The following DNAH14 variants were observed in gnomAD, a reference collection of about 807,000 sequenced individuals.
The protein encoded by DNAH14 is axonemal beta dynein heavy chain 14.
DNAH14 carries 478 observed loss-of-function variants against 520.9 expected under a neutral mutation model. The observed-to-expected ratio is 0.92, with a 90% confidence interval of 0.85 to 0.99. DNAH14 has a LOEUF of 0.99. DNAH14 is among the 50% of genes least tolerant of loss of function. The probability of loss-of-function intolerance (pLI) is 0.00; values close to 1 mark genes in which losing one functional copy is unlikely to be tolerated. For synonymous variants in DNAH14, 1,581 were observed against 1,757.2 expected, an observed-to-expected ratio of 0.90 and a Z score of 2.51; for missense variants, 4,831 against 5,234.5, an observed-to-expected ratio of 0.92 and a Z score of 2.38.
intron 1 of DNAH14, among the ~76,000 whole-genome samples, chr1:224,934,628 G>C (rs756927354): frequency 6.6e-6 from 1 of 151,688 alleles, no homozygotes; most frequent in Non-Finnish European, 1.5e-5. Context: ...CAAAATACTA[G>C]ATAAAAACTT....
intron 30 of DNAH14, among the ~76,000 whole-genome samples, chr1:225,146,768 G>T (rs1303487073): frequency 6.6e-6 from 1 of 152,246 alleles, no homozygotes. Flanking sequence ...CTCTGCCCCA[G>T]GGTGCAGCTG....
chr1:225,086,990 CCA>C (rs57900981), intron 21 of DNAH14, among the ~76,000 whole-genome samples: 7,753 of 146,716 alleles, frequency 0.053, 491 homozygotes, highest in African/African-American at 0.17. Context: ...GAAAAGAACA[CCA>C]CACACACACA....
At chr1:225,012,048 A>G (rs1487397127) in intron 10 of DNAH14, among the ~76,000 whole-genome samples, 1 of 152,026 alleles carries the variant, frequency 6.6e-6, no homozygotes, top group Non-Finnish European at 1.5e-5. Flanking sequence ...CATAGTATCA[A>G]TGGTCTTTAC....
At chr1:225,082,426 G>T (rs2073246132) in intron 19 of DNAH14, 123 bp from the exon 20 acceptor site, 1 of 709,472 alleles carries the variant, frequency 1.4e-6, no homozygotes, top group Non-Finnish European at 2.2e-6. Context: ...TTTTAATGTA[G>T]TTTAATAATT....
intron 17 of DNAH14, among the ~76,000 whole-genome samples, chr1:225,067,610 A>G (rs1302197235): frequency 6.6e-6 from 1 of 152,076 alleles, no homozygotes; most frequent in Non-Finnish European, 1.5e-5. Flanking sequence ...CTTTTTCTCC[A>G]CAACCTCACC....
intron 21 of DNAH14, among the ~76,000 whole-genome samples, chr1:225,094,830 AAAAAAC>A (rs2074795468): frequency 6.6e-6 from 1 of 151,234 alleles, no homozygotes; most frequent in Non-Finnish European, 1.5e-5. Flanking sequence ...AAAAAAAAAA[AAAAAAC>A]AACCCCATTA....
chr1:225,277,087 CA>C (rs1558242852), intron 53 of DNAH14, among the ~76,000 whole-genome samples: 1 of 52,186 alleles, frequency 1.9e-5, no homozygotes, highest in Non-Finnish European at 3.5e-5. Context: ...GGGGAAATGG[CA>C]AGGGGGGAGG....
At chr1:225,073,601 G>A (rs765256950) in intron 17 of DNAH14, among the ~76,000 whole-genome samples, 16 of 152,336 alleles carry the variant, frequency 1.1e-4, no homozygotes, top group Non-Finnish European at 2.1e-4. Context: ...ATGGCGGCCC[G>A]CTCCTCCCTC....
At chr1:225,048,725 A>C (rs2068198977) in intron 15 of DNAH14, among the ~76,000 whole-genome samples, 1 of 152,076 alleles carries the variant, frequency 6.6e-6, no homozygotes, top group Non-Finnish European at 1.5e-5. Context: ...ACAAATATCT[A>C]GGGGTAGGAT....
chr1:225,142,354 T>C (rs967674488), intron 28 of DNAH14, among the ~76,000 whole-genome samples: 5 of 152,158 alleles, frequency 3.3e-5, no homozygotes, highest in African/African-American at 1.2e-4. Context: ...CTGCAAGATA[T>C]TTTAACCTTT....
chr1:224,955,978 G>A (rs778045556), intron 3 of DNAH14, among the ~76,000 whole-genome samples: 1 of 151,818 alleles, frequency 6.6e-6, no homozygotes, highest in Non-Finnish European at 1.5e-5. Flanking sequence ...CTCTTTCAAG[G>A]TCACCAGATA....
intron 55 of DNAH14, among the ~76,000 whole-genome samples, chr1:225,296,488 C>T (rs1447159186): frequency 2.7e-5 from 4 of 146,396 alleles, no homozygotes; most frequent in African/African-American, 1.0e-4. Flanking sequence ...CCTCTCTTAT[C>T]GTTTATGTTT....
chr1:225,398,109 A>T (rs6426073), intron 84 of DNAH14: 76,500 of 150,984 alleles, frequency 0.51, 21,870 homozygotes, highest in East Asian at 0.74. Flanking sequence ...AGCCTAAAAC[A>T]GTAGTTATGG....
At chr1:225,127,323 T>C (rs1256608065) in intron 27 of DNAH14, among the ~76,000 whole-genome samples, 28 of 151,714 alleles carry the variant, frequency 1.8e-4, no homozygotes, top group Non-Finnish European at 3.1e-4. Flanking sequence ...AAGTCTCCCA[T>C]TATTATTGTG....
At chr1:225,330,787 TTAAAA>T (rs1019808004) in intron 64 of DNAH14, among the ~76,000 whole-genome samples, 13 of 152,276 alleles carry the variant, frequency 8.5e-5, no homozygotes, top group South Asian at 2.1e-4. Flanking sequence ...AACTGTACAC[TTAAAA>T]TAAAGAGTAT....
intron 8 of DNAH14, among the ~76,000 whole-genome samples, chr1:224,985,989 A>G (rs182808454): frequency 6.6e-6 from 1 of 152,268 alleles, no homozygotes; most frequent in African/African-American, 2.4e-5. Flanking sequence ...AAGTTTATTC[A>G]AAGGAATAAT....
rs1001131908 is a variant in DNAH14, at chr1:225,060,582, A to G, written c.2424+8787A>G. 1.1e-4 allele frequency among the ~76,000 whole-genome samples: 16 copies of G among 152,112 alleles called. No homozygotes were observed. In the East Asian group the frequency reaches 3.1e-3, roughly 29 times the overall value. ...GGAGCTGTGTTCCTTTGGAGGAGGC[A>G]AGGCACTCTGATTTTTAGAGTTTCC... On this transcript the variant is annotated intron_variant, in intron 17 of 85. Coordinates refer to ENST00000682510, the MANE Select transcript of DNAH14 (RefSeq NM_001367479.1).
intron 34 of DNAH14, among the ~76,000 whole-genome samples, chr1:225,155,164 T>C (rs769266534): frequency 1.3e-5 from 2 of 152,166 alleles, no homozygotes; most frequent in African/African-American, 2.4e-5. Flanking sequence ...AGACATGCTT[T>C]TTCCTTTCTG....
chr1:225,086,076 T>C (rs2073746312), intron 21 of DNAH14, among the ~76,000 whole-genome samples: 1 of 151,670 alleles, frequency 6.6e-6, no homozygotes, highest in East Asian at 1.9e-4. Context: ...CAGTGTTCCC[T>C]GATAGTCCCT....
Sources: gnomAD v4.1 joint callset for allele counts (sites outside exome capture counted in the v4.1 genomes callset) on GRCh38, gnomAD v4.1.1 for gene constraint, MANE v1.5 for transcripts, NCBI Gene and HGNC (gene_info 2026-07-23, HGNC 2026-07-21) for gene names.